The following GALNT13 variants were observed in gnomAD, a reference collection of about 807,000 sequenced individuals.
GALNT13 encodes UDP-GalNAc:polypeptide N-acetylgalactosaminyltransferase 13.
In GALNT13, 28 loss-of-function variants were observed where a neutral mutation model predicts 64.2. The ratio of observed to expected loss-of-function variants is 0.44; its 90% CI spans 0.32 to 0.60. GALNT13 has a LOEUF of 0.60. Among genes scored for constraint, GALNT13 ranks in the 20% least tolerant of loss-of-function variants. GALNT13 has a pLI of 0.05. For missense variants in GALNT13, 577 were observed against 669.8 expected (o/e 0.86, Z 1.53); for synonymous variants, 214 against 224.6 (o/e 0.95, Z 0.42).
chr2:153,788,368 T>C, the GALNT13 span, among the ~76,000 whole-genome samples: 1 of 151,514 alleles, frequency 6.6e-6, no homozygotes, highest in East Asian at 1.9e-4. Flanking sequence ...GAAGGAAAAA[T>C]AAGATCCTTT....
At chr2:154,343,992 T>C (rs1695919725) in intron 9 of GALNT13, among the ~76,000 whole-genome samples, 1 of 151,980 alleles carries the variant, frequency 6.6e-6, no homozygotes, top group African/African-American at 2.4e-5. Context: ...CCTTAGTGGC[T>C]TGGAAATATG....
At chr2:154,070,104 T>C (rs1700667043) in intron 3 of GALNT13, among the ~76,000 whole-genome samples, 1 of 152,140 alleles carries the variant, frequency 6.6e-6, no homozygotes, top group African/African-American at 2.4e-5. Flanking sequence ...CTACTGATGG[T>C]TGATATGTGG....
chr2:153,465,586 T>C, the GALNT13 span, among the ~76,000 whole-genome samples: 1 of 151,816 alleles, frequency 6.6e-6, no homozygotes, highest in East Asian at 1.9e-4. Flanking sequence ...ACCTCAAGGA[T>C]CCTTTTGTTT....
chr2:153,820,681 C>T, the GALNT13 span, among the ~76,000 whole-genome samples: 1 of 151,966 alleles, frequency 6.6e-6, no homozygotes, highest in African/African-American at 2.4e-5. Flanking sequence ...AATATGTTAC[C>T]ACTACACCAG....
intron 9 of GALNT13, among the ~76,000 whole-genome samples, chr2:154,304,203 A>G (rs1054695835): frequency 3.3e-5 from 5 of 152,180 alleles, no homozygotes; most frequent in African/African-American, 9.7e-5. Context: ...CACGTTTTCA[A>G]GCCTCTTCTA....
chr2:154,143,086 G>A (rs931620764), intron 4 of GALNT13, among the ~76,000 whole-genome samples: 1 of 152,122 alleles, frequency 6.6e-6, no homozygotes, highest in African/African-American at 2.4e-5. Context: ...TACACATTTG[G>A]AGGTGGTGGA....
the GALNT13 span, among the ~76,000 whole-genome samples, chr2:153,686,582 A>G: frequency 6.6e-6 from 1 of 151,978 alleles, no homozygotes; most frequent in African/African-American, 2.4e-5. Flanking sequence ...CACGTTGTCC[A>G]CAAACAGGAA....
intron 10 of GALNT13, among the ~76,000 whole-genome samples, chr2:154,398,103 T>C (rs980759437): frequency 1.3e-5 from 2 of 152,226 alleles, no homozygotes; most frequent in African/African-American, 4.8e-5. Flanking sequence ...TTTAATACCC[T>C]TATCACTTTA....
chr2:153,169,255 G>A, the GALNT13 span, among the ~76,000 whole-genome samples: 2 of 152,202 alleles, frequency 1.3e-5, no homozygotes, highest in Non-Finnish European at 2.9e-5. Context: ...ATTAATTGGT[G>A]GAGGCTGAGG....
chr2:153,260,874 T>G, the GALNT13 span, among the ~76,000 whole-genome samples: 28 of 152,112 alleles, frequency 1.8e-4, no homozygotes, highest in African/African-American at 6.8e-4. Flanking sequence ...GTAGGTGAGC[T>G]TCATTCTTTT....
At chr2:153,861,755 T>A in the GALNT13 span, among the ~76,000 whole-genome samples, 4 of 151,826 alleles carry the variant, frequency 2.6e-5, no homozygotes, top group Non-Finnish European at 4.4e-5. Context: ...TTAGTAGAGA[T>A]GTTTAGTAGA....
At chr2:153,786,787 A>G in the GALNT13 span, among the ~76,000 whole-genome samples, 1 of 151,882 alleles carries the variant, frequency 6.6e-6, no homozygotes, top group Non-Finnish European at 1.5e-5. Context: ...CAGTGGTACT[A>G]CCCCTGCTAC....
chr2:154,435,119 T>C (rs1700894175), intron 11 of GALNT13, among the ~76,000 whole-genome samples: 1 of 152,210 alleles, frequency 6.6e-6, no homozygotes, highest in Non-Finnish European at 1.5e-5. Context: ...TGGAAACATA[T>C]GCTAAATCTA....
intron 3 of GALNT13, among the ~76,000 whole-genome samples, chr2:154,130,583 A>T (rs1682553330): frequency 6.6e-6 from 1 of 152,194 alleles, no homozygotes; most frequent in Non-Finnish European, 1.5e-5. Flanking sequence ...GACTTGTTAG[A>T]GCCTGCTAAT....
the GALNT13 span, among the ~76,000 whole-genome samples, chr2:153,170,978 A>T: frequency 6.6e-6 from 1 of 152,356 alleles, no homozygotes; most frequent in Non-Finnish European, 1.5e-5. Context: ...ATTATTTTTT[A>T]AAATTCCATC....
intron 3 of GALNT13, among the ~76,000 whole-genome samples, chr2:154,023,976 G>A (rs1054432020): frequency 1.1e-4 from 16 of 151,986 alleles, no homozygotes; most frequent in Non-Finnish European, 5.9e-5. Flanking sequence ...CTGGATATGA[G>A]ATTCTGGGTT....
the GALNT13 span, among the ~76,000 whole-genome samples, chr2:153,626,976 T>C: frequency 1.3e-5 from 2 of 152,212 alleles, no homozygotes; most frequent in East Asian, 3.9e-4. Context: ...CAGAGGAAAA[T>C]GCACATGGTA....
chr2:153,689,704 A>C, the GALNT13 span, among the ~76,000 whole-genome samples: 1 of 152,034 alleles, frequency 6.6e-6, no homozygotes, highest in Non-Finnish European at 1.5e-5. Flanking sequence ...GATCATACTT[A>C]ATGTTTTTCC....
chr2:154,166,091 G>A (rs1685004046), intron 4 of GALNT13, among the ~76,000 whole-genome samples: 1 of 152,088 alleles, frequency 6.6e-6, no homozygotes. Context: ...TTGTCTAGAG[G>A]AACTCAATTC....
Sources: allele counts gnomAD v4.1 joint callset (sites outside exome capture counted in the v4.1 genomes callset), GRCh38; gene constraint gnomAD v4.1.1; transcripts MANE v1.5; gene names NCBI Gene and HGNC (gene_info 2026-07-23, HGNC 2026-07-21).